MICAL2: variants seen among roughly 807,000 people sequenced by gnomAD.
The protein encoded by MICAL2 is microtubule associated monooxygenase, calponin and LIM domain containing 2, also known as [F-actin]-monooxygenase MICAL2.
Under a neutral mutation model 127.3 loss-of-function variants are expected in MICAL2, and 77 were observed. The observed-to-expected ratio is 0.60, with a 90% CI of 0.50 to 0.73. The LOEUF is 0.73. Ranked by LOEUF, MICAL2 falls within the 30% of genes least tolerant of loss-of-function variation. MICAL2 has a pLI of 0.00. For missense variants in MICAL2, 1,351 were observed against 1,434.4 expected, an observed-to-expected ratio of 0.94 and a Z score of 0.94; for synonymous variants, 570 against 551.1, an observed-to-expected ratio of 1.03 and a Z score of -0.48.
chr11:12,152,204 A>G (rs1853654505), intron 2 of MICAL2, among the ~76,000 whole-genome samples: 1 of 141,252 alleles, frequency 7.1e-6, no homozygotes, highest in Non-Finnish European at 1.5e-5. Context: ...AGGCTGAGGC[A>G]GGAGAATCGC....
intron 22 of MICAL2, among the ~76,000 whole-genome samples, chr11:12,252,355 G>T (rs1861659500): frequency 6.6e-6 from 1 of 152,174 alleles, no homozygotes; most frequent in Admixed American, 6.5e-5. Flanking sequence ...AGGGTGGAAG[G>T]GGGAGCCAGG....
At chr11:12,265,858 G>T (rs1006543073), downstream of MICAL2, among the ~76,000 whole-genome samples, 4 of 152,164 alleles carry the variant, frequency 2.6e-5, no homozygotes, top group African/African-American at 9.7e-5. Context: ...GCTCACACCT[G>T]TAATCCCAGC....
downstream of MICAL2, among the ~76,000 whole-genome samples, chr11:12,361,543 T>G (rs1470990981): frequency 6.6e-6 from 1 of 152,220 alleles, no homozygotes; most frequent in East Asian, 1.9e-4. Context: ...AAGTTTGTAT[T>G]TCTAAAACTG....
intron 29 of MICAL2, among the ~76,000 whole-genome samples, chr11:12,314,632 C>A (rs1025135480): frequency 2.9e-4 from 41 of 142,702 alleles, no homozygotes; most frequent in African/African-American, 1.0e-3. Flanking sequence ...GCGCCCGCCA[C>A]CATGCCCAGC....
chr11:12,361,971 C>G (rs1178941554), downstream of MICAL2, among the ~76,000 whole-genome samples: 1 of 152,158 alleles, frequency 6.6e-6, no homozygotes, highest in Non-Finnish European at 1.5e-5. Flanking sequence ...GGAAAGTGTA[C>G]GATTTCATCT....
At chr11:12,233,647 T>C (rs1164510059) in intron 15 of MICAL2, among the ~76,000 whole-genome samples, 2 of 152,264 alleles carry the variant, frequency 1.3e-5, no homozygotes, top group East Asian at 3.8e-4. Context: ...TTTTGGTATA[T>C]AGACTCTTTC....
At chr11:12,123,844 T>G (rs1358001722) in intron 1 of MICAL2, among the ~76,000 whole-genome samples, 1 of 152,156 alleles carries the variant, frequency 6.6e-6, no homozygotes, top group Non-Finnish European at 1.5e-5. Context: ...CATGCCTTAG[T>G]TTGTTCAGAT....
intron 13 of MICAL2, among the ~76,000 whole-genome samples, chr11:12,225,353 G>A (rs776564276): frequency 7.2e-5 from 11 of 152,192 alleles, no homozygotes; most frequent in Admixed American, 1.3e-4. Context: ...GCTAAAGCAT[G>A]GTGCATCTGT....
intron 29 of MICAL2, among the ~76,000 whole-genome samples, chr11:12,300,569 G>A (rs1864035862): frequency 6.6e-6 from 1 of 152,114 alleles, no homozygotes; most frequent in Non-Finnish European, 1.5e-5. Context: ...TGTGGTGTGG[G>A]AGGGCCCATG....
chr11:12,294,701 T>C, downstream of MICAL2: 1 of 1,614,108 alleles, frequency 6.2e-7, no homozygotes, highest in Non-Finnish European at 8.5e-7. Context: ...CAGGGACCTC[T>C]TTGGCAGCCC....
intron 2 of MICAL2, among the ~76,000 whole-genome samples, chr11:12,284,655 G>T (rs1352096563): frequency 6.6e-6 from 1 of 152,110 alleles, no homozygotes; most frequent in Non-Finnish European, 1.5e-5. Context: ...TGATTAAGAG[G>T]CTAGCTTTGG....
chr11:12,307,813 G>T (rs1042475762), intron 29 of MICAL2, among the ~76,000 whole-genome samples: 1 of 152,116 alleles, frequency 6.6e-6, no homozygotes, highest in African/African-American at 2.4e-5. Flanking sequence ...CTGCTCCATT[G>T]ATCTATACAA....
At chr11:12,208,447 T>A in intron 5 of MICAL2, 1 of 268,190 alleles carries the variant, frequency 3.7e-6, no homozygotes, top group Non-Finnish European at 7.1e-6. Context: ...TTTGGTTGTT[T>A]GGTAAGGTTC....
intron 1 of MICAL2, among the ~76,000 whole-genome samples, chr11:12,135,114 G>A (rs1460621214): frequency 6.6e-6 from 1 of 152,168 alleles, no homozygotes; most frequent in African/African-American, 2.4e-5. Flanking sequence ...AAGGAGAAAA[G>A]ATACTCCCAT....
intron 3 of MICAL2, among the ~76,000 whole-genome samples, chr11:12,196,572 G>A (rs1326119051): frequency 2.0e-5 from 3 of 152,118 alleles, no homozygotes; most frequent in South Asian, 4.2e-4. Context: ...CAACTGCAGG[G>A]CAGGAGAGAG....
intron 3 of MICAL2, among the ~76,000 whole-genome samples, chr11:12,176,731 T>G (rs971698997): frequency 6.6e-6 from 1 of 152,234 alleles, no homozygotes; most frequent in African/African-American, 2.4e-5. Flanking sequence ...AATATAGTAT[T>G]TGTCCTTTTG....
At chr11:12,194,161 C>T (rs1690425667) in intron 3 of MICAL2, among the ~76,000 whole-genome samples, 1 of 152,182 alleles carries the variant, frequency 6.6e-6, no homozygotes. Context: ...GCCTGGAGTT[C>T]TCTGGGCTAG....
At chr11:12,202,712 C>T (rs771503053) in intron 3 of MICAL2, among the ~76,000 whole-genome samples, 2 of 152,176 alleles carry the variant, frequency 1.3e-5, no homozygotes, top group African/African-American at 2.4e-5. Context: ...AAGACAGGGC[C>T]TAGGTCTAGG....
chr11:12,173,240 C>A (rs993169677), intron 3 of MICAL2, among the ~76,000 whole-genome samples: 4 of 152,150 alleles, frequency 2.6e-5, no homozygotes, highest in Non-Finnish European at 5.9e-5. Flanking sequence ...TACAGGGTAG[C>A]GAGCTATACC....
Sources: gnomAD v4.1 joint callset for allele counts (sites outside exome capture counted in the v4.1 genomes callset) on GRCh38, gnomAD v4.1.1 for gene constraint, MANE v1.5 for transcripts, NCBI Gene and HGNC (gene_info 2026-07-23, HGNC 2026-07-21) for gene names.